TRAPPC8: variants seen among roughly 807,000 people sequenced by gnomAD.
TRAPPC8 encodes general sporulation gene 1 homolog.
TRAPPC8 carries 54 observed loss-of-function variants against 174.3 expected under a neutral mutation model. That is an observed-to-expected ratio of 0.31 (90% CI 0.25 to 0.39). The LOEUF is 0.39. TRAPPC8 is among the 10% of genes least tolerant of loss of function. The pLI is 1.00. For missense variants in TRAPPC8, 1,531 were observed against 1,699.1 expected, an observed-to-expected ratio of 0.90 and a Z score of 1.74; for synonymous variants, 630 against 579.9, an observed-to-expected ratio of 1.09 and a Z score of -1.24.
Position 31,830,027 on chromosome 18 carries a change from G to C in TRAPPC8, c.*728C>G, listed in dbSNP as rs928289380. 1 of 152,420 alleles carries C rather than the reference G, an allele frequency of 6.6e-6. No individual in the cohort carries two copies. The highest frequency in any genetic ancestry group is 1.5e-5 in the Non-Finnish European group (1 of 68,016). 9.4% of individuals were successfully genotyped at this position (152,420 alleles called of 1,614,324 possible). ...TGAAAAGCTTATTTTTAATTAACTT[G>C]AGATTTATATTTTAAACAGATCAAC... is the stretch of plus-strand genomic sequence containing the variant. On this transcript the variant is annotated 3_prime_UTR_variant, in exon 29 of 29. Transcript: ENST00000283351.
At chr18:31,917,488 T>C in intron 3 of TRAPPC8, 90 bp downstream of exon 3, 3 of 1,100,904 alleles carry the variant, frequency 2.7e-6, no homozygotes, top group Non-Finnish European at 2.7e-6. Flanking sequence ...ATTCTCTGTA[T>C]CTTCAACAAT....
intron 12 of TRAPPC8, among the ~76,000 whole-genome samples, chr18:31,886,272 G>C (rs1050396351): frequency 6.9e-6 from 1 of 143,962 alleles, no homozygotes; most frequent in Non-Finnish European, 1.5e-5. Flanking sequence ...GCCTCTCAAA[G>C]TGCTGGGATT....
intron 15 of TRAPPC8, 104 bp downstream of exon 15, chr18:31,870,822 T>G (rs1268439899): frequency 9.0e-7 from 1 of 1,114,594 alleles, no homozygotes; most frequent in Non-Finnish European, 1.2e-6. Context: ...CCTAATTTAT[T>G]TTTGCATCCC....
chr18:31,856,736 T>C (rs2034034650), intron 20 of TRAPPC8, among the ~76,000 whole-genome samples: 1 of 151,700 alleles, frequency 6.6e-6, no homozygotes, highest in Non-Finnish European at 1.5e-5. Flanking sequence ...ATAAAATATA[T>C]ACAGCCGCTC....
At chr18:31,907,179 T>TA (rs2036696437) in intron 9 of TRAPPC8, among the ~76,000 whole-genome samples, 2 of 152,202 alleles carry the variant, frequency 1.3e-5, no homozygotes, top group Admixed American at 1.3e-4. Flanking sequence ...GATGCAATCT[T>TA]ACTATGTTGC....
intron 27 of TRAPPC8, among the ~76,000 whole-genome samples, chr18:31,834,730 C>G (rs751031053): frequency 6.6e-6 from 1 of 152,186 alleles, no homozygotes; most frequent in Admixed American, 6.5e-5. Flanking sequence ...CTCATGGCAG[C>G]TAAACATAGT....
intron 17 of TRAPPC8, 93 bp from the exon 18 acceptor site, chr18:31,867,068 A>G: frequency 7.4e-7 from 1 of 1,343,446 alleles, no homozygotes. Flanking sequence ...ACATAAACTC[A>G]TGACCTAAAC....
Position 31,942,661 on chromosome 18 carries a change from T to C in TRAPPC8, c.104A>G (p.Asn35Ser), listed in dbSNP as rs565278839. The C allele has an allele frequency of 1.7e-5, 27 of 1,611,438 alleles. No homozygotes were observed. The South Asian group carries it at 2.4e-4, about 14-fold the overall frequency. ...SDEAERLTRL[N>S]HLSFAELLKP... ...AAGCAGCTCCGCGAAGCTGAGGTGA[T>C]TGAGACGAGTGAGCCGCTCGGCTTC... Residue 35 changes from asparagine to serine, a missense_variant, in exon 1 of 29, where the codon AAT becomes AGT. Asn to Ser is a conservative substitution (Grantham distance 46). Coordinates refer to ENST00000283351, the MANE Select transcript of TRAPPC8 (RefSeq NM_014939.5).
chr18:31,887,873 T>G (rs1022318527), intron 12 of TRAPPC8, among the ~76,000 whole-genome samples: 11 of 151,890 alleles, frequency 7.2e-5, no homozygotes, highest in African/African-American at 2.7e-4. Flanking sequence ...GAGAAAGAAA[T>G]AAAGGGTATT....
chr18:31,864,850 ATGTGAATATTG>A, intron 18 of TRAPPC8, 69 bp from the exon 19 acceptor site: 1 of 1,294,226 alleles, frequency 7.7e-7, no homozygotes, highest in Non-Finnish European at 1.1e-6. Flanking sequence ...TAACTTGAAT[ATGTGAATATTG>A]TAAGTTTCAG....
At chr18:31,900,486 C>G (rs1244369015) in intron 10 of TRAPPC8, among the ~76,000 whole-genome samples, 2 of 152,182 alleles carry the variant, frequency 1.3e-5, no homozygotes, top group East Asian at 3.8e-4. Flanking sequence ...CATCAAATAT[C>G]CCATGAAATC....
chr18:31,920,855 C>T (rs1398597537), intron 2 of TRAPPC8, among the ~76,000 whole-genome samples: 4 of 150,344 alleles, frequency 2.7e-5, no homozygotes, highest in African/African-American at 9.8e-5. Context: ...GCAGGACAAT[C>T]GCTTGAACCA....
At chr18:31,831,583 C>A (rs912183311) in intron 28 of TRAPPC8, among the ~76,000 whole-genome samples, 34 of 152,044 alleles carry the variant, frequency 2.2e-4, no homozygotes, top group Non-Finnish European at 4.0e-4. Flanking sequence ...CTTAGTTAGC[C>A]ATATATAAGT....
At chr18:31,839,562 G>T in intron 26 of TRAPPC8, 105 bp from the exon 27 acceptor site, 1 of 1,036,924 alleles carries the variant, frequency 9.6e-7, no homozygotes, top group Non-Finnish European at 1.3e-6. Flanking sequence ...CAGAGATAAT[G>T]TAATGCATGA....
chr18:31,898,171 T>C (rs2036262222), intron 10 of TRAPPC8, among the ~76,000 whole-genome samples: 1 of 152,178 alleles, frequency 6.6e-6, no homozygotes, highest in African/African-American at 2.4e-5. Flanking sequence ...TAAATCATTG[T>C]TATACTTTAT....
chr18:31,864,607 A>G lies in TRAPPC8; in HGVS notation c.2745+20T>C, dbSNP rs779470528. 6.2e-7 allele frequency: 1 copy of G among 1,603,006 alleles called. No homozygotes were observed. The highest frequency in any genetic ancestry group is 8.5e-7 in the Non-Finnish European group (1 of 1,177,170). ...TCATATAGATAAATTAAGTCCATGA[A>G]ATTTTAAAAAGTGAAATACCTCCAA... On this transcript the variant is annotated intron_variant, in intron 19 of 28. Transcript: ENST00000283351.
chr18:31,937,697 G>A (rs956802036), intron 1 of TRAPPC8: 18 of 152,064 alleles, frequency 1.2e-4, no homozygotes, highest in African/African-American at 4.1e-4. Flanking sequence ...TTATATCCTA[G>A]TCTACTTTTT....
At chr18:31,864,961 A>C (rs967821056) in intron 18 of TRAPPC8, among the ~76,000 whole-genome samples, 180 bp from the exon 19 acceptor site, 3 of 152,122 alleles carry the variant, frequency 2.0e-5, no homozygotes, top group Non-Finnish European at 4.4e-5. Flanking sequence ...ACACCAACTA[A>C]GGTATGCTAC....
chr18:31,909,603 G>T, intron 6 of TRAPPC8, 64 bp downstream of exon 6: 1 of 1,554,472 alleles, frequency 6.4e-7, no homozygotes, highest in East Asian at 2.3e-5. Context: ...ATAAAGGTTA[G>T]CATGATCTGA....
Sources: allele counts gnomAD v4.1 joint callset (sites outside exome capture counted in the v4.1 genomes callset), GRCh38; gene constraint gnomAD v4.1.1; transcripts MANE v1.5; gene names NCBI Gene and HGNC (gene_info 2026-07-23, HGNC 2026-07-21).